The following SGPP1 variants were observed in gnomAD, a reference collection of about 807,000 sequenced individuals.
SGPP1 encodes sphingosine-1-phosphate phosphatase 1.
In SGPP1, 21 loss-of-function variants were observed where a neutral mutation model predicts 33.0. The ratio of observed to expected loss-of-function variants is 0.64; its 90% CI spans 0.45 to 0.92. The LOEUF is 0.92. Ranked by LOEUF, SGPP1 falls within the 40% of genes least tolerant of loss-of-function variation. SGPP1 has a pLI of 0.00. For missense variants in SGPP1, 543 were observed against 589.4 expected, an observed-to-expected ratio of 0.92 and a Z score of 0.81; for synonymous variants, 239 against 241.2, an observed-to-expected ratio of 0.99 and a Z score of 0.08.
rs534004001 is a variant in SGPP1 at position 63,694,117 on chromosome 14, C to T, written c.774+4452G>A. ...CAACATGGCCAAACCCTGTCTCTTC[C>T]AAAAAGAAAAAATAGAAAAATCAGC... is the stretch of plus-strand genomic sequence containing the variant. On this transcript the variant is annotated intron_variant, in intron 2 of 2. Coordinates refer to ENST00000247225, the MANE Select transcript of SGPP1 (RefSeq NM_030791.4). Among the ~76,000 whole-genome samples, 204 of 151,626 alleles carry T rather than the reference C, an allele frequency of 1.3e-3. No individual in the cohort carries two copies. The Middle Eastern group carries it at 0.02, about 15-fold the overall frequency.
intron 1 of SGPP1, among the ~76,000 whole-genome samples, chr14:63,719,002 ATATATATATATATTTTTTTTTTTTT>A (rs1885703337): frequency 4.3e-5 from 1 of 23,398 alleles, no homozygotes; most frequent in African/African-American, 2.3e-4. Flanking sequence ...ATATATATAT[ATATATATATATATTTTTTTTTTTTT>A]TTTTTTTTTT....
At chr14:63,703,800 GTTTT>G (rs57439548) in intron 1 of SGPP1, among the ~76,000 whole-genome samples, 3 of 98,928 alleles carry the variant, frequency 3.0e-5, no homozygotes, top group African/African-American at 4.2e-5. Flanking sequence ...CCCTATTTAA[GTTTT>G]TTTTTTTTTT....
rs1246562129 is a variant in SGPP1, at chr14:63,684,383, AATTC to A, written c.*1718_*1721del. 7 of 152,100 alleles carry A rather than the reference AATTC, an allele frequency of 4.6e-5. No homozygotes were observed. Among genetic ancestry groups the A allele is most frequent in the African/African-American group, 1.7e-4 (7 of 41,456 alleles). 9.4% of individuals were successfully genotyped at this position (152,100 alleles called of 1,614,324 possible). ...TTATGGGAAACGGTCCCTAAAATTCAATTCATTAAACATACATTTTGAAAGTAAA... is the reference window on the plus strand; with the variant it reads ...TTATGGGAAACGGTCCCTAAAATTCAATTAAACATACATTTTGAAAGTAAA... On this transcript the variant is annotated 3_prime_UTR_variant, in exon 3 of 3. Transcript: ENST00000247225.
Position 63,685,428 on chromosome 14 carries a change from T to G in SGPP1, c.*677A>C, listed in dbSNP as rs1254703505. The G allele has an allele frequency of 1.3e-5, 2 of 152,366 alleles. No individual in the cohort carries two copies. Among genetic ancestry groups the G allele is most frequent in the Non-Finnish European group, 2.9e-5 (2 of 67,910 alleles). 9.4% of individuals were successfully genotyped at this position (152,366 alleles called of 1,614,324 possible). ...ACATCCAGAATAGCTGCAAATAAAG[T>G]TCATTCAAAACAGTATACAGAACTT... On this transcript the variant is annotated 3_prime_UTR_variant, in exon 3 of 3. Transcript: ENST00000247225.
At chr14:63,714,116 GCTTTCA>G (rs1885574109) in intron 1 of SGPP1, among the ~76,000 whole-genome samples, 1 of 152,206 alleles carries the variant, frequency 6.6e-6, no homozygotes, top group Non-Finnish European at 1.5e-5. Context: ...AGATCCTGAG[GCTTTCA>G]GCCTTGGACT....
chr14:63,705,386 C>T (rs1022940668), intron 1 of SGPP1, among the ~76,000 whole-genome samples: 2 of 150,662 alleles, frequency 1.3e-5, no homozygotes, highest in African/African-American at 2.4e-5. Flanking sequence ...AAAATATGCT[C>T]GCCTGGCATG....
chr14:63,697,035 G>C (rs1020161364), intron 2 of SGPP1, among the ~76,000 whole-genome samples: 6 of 152,086 alleles, frequency 3.9e-5, no homozygotes, highest in African/African-American at 1.4e-4. Flanking sequence ...GAGAGGGAGA[G>C]CGGGGGGAGG....
chr14:63,717,849 A>G (rs1238412725), intron 1 of SGPP1, among the ~76,000 whole-genome samples: 2 of 152,198 alleles, frequency 1.3e-5, no homozygotes, highest in African/African-American at 4.8e-5. Context: ...CAGCCAGAAT[A>G]AAAAATACAT....
rs115838759 is a variant in SGPP1 at position 63,696,657 on chromosome 14, T to G, written c.774+1912A>C. On this transcript the variant is annotated intron_variant, in intron 2 of 2. Coordinates refer to ENST00000247225, the MANE Select transcript of SGPP1 (RefSeq NM_030791.4). ...ACAATTCATATTAAATACAAATAAT[T>G]ATAAAAAGTCAAACACAAATAATTT... 5.9e-3 allele frequency among the ~76,000 whole-genome samples: 902 copies of G among 152,226 alleles called. 12 individuals are homozygous for G. Among genetic ancestry groups the G allele is most frequent in the African/African-American group, 0.021 (875 of 41,544 alleles).
At chr14:63,696,754 G>A (rs931234517) in intron 2 of SGPP1, among the ~76,000 whole-genome samples, 2 of 152,198 alleles carry the variant, frequency 1.3e-5, no homozygotes, top group African/African-American at 2.4e-5. Flanking sequence ...GGGAGGCCAA[G>A]GCAGGTGGAT....
At chr14:63,720,126 CAAA>C (rs569010417) in intron 1 of SGPP1, among the ~76,000 whole-genome samples, 2 of 96,782 alleles carry the variant, frequency 2.1e-5, no homozygotes. Context: ...CTGCATCTCA[CAAA>C]AAAAAAAAAA....
At chr14:63,718,457 A>G (rs1207536196) in intron 1 of SGPP1, among the ~76,000 whole-genome samples, 1 of 152,166 alleles carries the variant, frequency 6.6e-6, no homozygotes, top group Non-Finnish European at 1.5e-5. Flanking sequence ...TAGGTAGGAG[A>G]AAAATTATAC....
chr14:63,725,990 A>G (rs1287264557), intron 1 of SGPP1, among the ~76,000 whole-genome samples: 1 of 152,208 alleles, frequency 6.6e-6, no homozygotes, highest in East Asian at 1.9e-4. Context: ...ACTGCTTCAC[A>G]ATCTGAACAT....
intron 2 of SGPP1, among the ~76,000 whole-genome samples, chr14:63,690,694 A>G (rs1055447566): frequency 1.3e-5 from 2 of 152,194 alleles, no homozygotes; most frequent in African/African-American, 4.8e-5. Context: ...ACTACATGAT[A>G]GATATAAGAA....
chr14:63,706,092 C>T (rs1186852774), intron 1 of SGPP1, among the ~76,000 whole-genome samples: 1 of 152,130 alleles, frequency 6.6e-6, no homozygotes, highest in Non-Finnish European at 1.5e-5. Flanking sequence ...GAATAGTAGT[C>T]AACACAAAAG....
intron 1 of SGPP1, among the ~76,000 whole-genome samples, chr14:63,725,786 A>C (rs1026908284): frequency 1.3e-5 from 2 of 152,216 alleles, no homozygotes; most frequent in Non-Finnish European, 2.9e-5. Context: ...AATAGCATAC[A>C]AAATAGCTAC....
intron 2 of SGPP1, among the ~76,000 whole-genome samples, chr14:63,688,214 G>A (rs1173378914): frequency 1.3e-5 from 2 of 151,124 alleles, no homozygotes; most frequent in Non-Finnish European, 2.9e-5. Context: ...TACTCAGGAG[G>A]CTGAGGCAGG....
At chr14:63,719,550 C>G (rs1289864367) in intron 1 of SGPP1, among the ~76,000 whole-genome samples, 1 of 151,512 alleles carries the variant, frequency 6.6e-6, no homozygotes, top group Non-Finnish European at 1.5e-5. Context: ...CACTAGCAAA[C>G]AATTGGAAAA....
intron 2 of SGPP1, among the ~76,000 whole-genome samples, chr14:63,697,333 C>CT (rs1203800387): frequency 6.6e-6 from 1 of 151,676 alleles, no homozygotes; most frequent in African/African-American, 2.4e-5. Flanking sequence ...ACCAACATTT[C>CT]TATAACTAAG....
Sources: gnomAD v4.1 joint callset for allele counts (sites outside exome capture counted in the v4.1 genomes callset) on GRCh38, gnomAD v4.1.1 for gene constraint, MANE v1.5 for transcripts, NCBI Gene and HGNC (gene_info 2026-07-23, HGNC 2026-07-21) for gene names.